The following DST variants were observed in gnomAD, a reference collection of about 807,000 sequenced individuals.
The protein encoded by DST is dystonin.
Under a neutral mutation model 875.2 loss-of-function variants are expected in DST, and 253 were observed. That is an observed-to-expected ratio of 0.29 (90% confidence interval 0.26 to 0.32). The LOEUF (loss-of-function observed/expected upper bound fraction) is 0.32. Among genes scored for constraint, DST ranks in the 10% least tolerant of loss-of-function variants. DST has a pLI of 1.00. For synonymous variants in DST, 3,124 were observed against 3,197.1 expected (o/e 0.98, Z 0.77); for missense variants, 8,287 against 9,111.6 (o/e 0.91, Z 3.68).
Position 56,773,843 on chromosome 6 carries a change from C to T in DST, c.626-38554G>A, listed in dbSNP as rs192570321. On this transcript the variant is annotated intron_variant, in intron 4 of 103. Coordinates refer to ENST00000680361, the MANE Select transcript of DST (RefSeq NM_001374736.1). ...TTCCTAGAATTTCTCTCAGGCTGGG[C>T]GCGGTGGCTCACGCCTGTAATCCCA... 2.2e-3 allele frequency among the ~76,000 whole-genome samples: 340 copies of T among 152,232 alleles called. 1 individual carries two copies. Among genetic ancestry groups the T allele is most frequent in the Middle Eastern group, 6.8e-3 (2 of 294 alleles).
rs201201114 is a variant in DST at position 56,592,197 on chromosome 6, T to C, written c.12888A>G (p.Gln4296=). ...CGCTTTTTACCTTGGTCTCTTCTAA[T>C]TGCCTTTGAAGATTTTTGGGGTCCA... ...IAVDPKNLQR[Q]LEETKALQGQ... Residue 4296 remains glutamine (Q), a synonymous_variant, in exon 49 of 104, where the codon CAA becomes CAG. Coordinates refer to ENST00000680361, the MANE Select transcript of DST (RefSeq NM_001374736.1). 239 of 1,613,512 alleles carry C rather than the reference T, an allele frequency of 1.5e-4. 1 individual carries two copies. The highest frequency in any genetic ancestry group is 3.3e-4 in the Middle Eastern group (2 of 6,062).
intron 53 of DST, among the ~76,000 whole-genome samples, chr6:56,571,128 G>A (rs1229021037): frequency 2.0e-5 from 3 of 152,298 alleles, no homozygotes; most frequent in South Asian, 2.1e-4. Context: ...CTGCACCACG[G>A]AGGCAGTGCA....
chr6:56,746,377 A>C (rs1296122377), intron 4 of DST, among the ~76,000 whole-genome samples: 1 of 152,186 alleles, frequency 6.6e-6, no homozygotes, highest in African/African-American at 2.4e-5. Context: ...GTAAGAAACA[A>C]ATACTTGCTT....
At chr6:56,634,378 G>A in intron 26 of DST, 84 bp downstream of exon 26, 1 of 1,605,978 alleles carries the variant, frequency 6.2e-7, no homozygotes, top group Non-Finnish European at 8.5e-7. Context: ...GATCCTGTGG[G>A]GCCTTGACAA....
chr6:56,908,836 C>T (rs1280131474), intron 2 of DST, among the ~76,000 whole-genome samples: 1 of 152,220 alleles, frequency 6.6e-6, no homozygotes, highest in African/African-American at 2.4e-5. Context: ...CGCCCACCGC[C>T]ATGACAGTTT....
chr6:56,894,536 C>A (rs1592177240), intron 3 of DST, among the ~76,000 whole-genome samples: 19 of 56,798 alleles, frequency 3.3e-4, no homozygotes, highest in Admixed American at 2.6e-3. Context: ...GGGGGCTGAC[C>A]CCCCCCACCT....
intron 37 of DST, 142 bp downstream of exon 37, chr6:56,614,214 A>G (rs892586495): frequency 8.8e-6 from 6 of 680,030 alleles, no homozygotes; most frequent in Non-Finnish European, 1.3e-5. Context: ...CAAGTTATTT[A>G]ATCTTTCTGA....
chr6:56,771,955 G>A (rs2099667247), intron 4 of DST, among the ~76,000 whole-genome samples: 1 of 152,142 alleles, frequency 6.6e-6, no homozygotes, highest in South Asian at 2.1e-4. Context: ...GACACAGGCA[G>A]AATGACTTAT....
In DST at chr6:56,835,354, C is replaced by T. The variant is rs538655405; in HGVS notation, c.625+16043G>A. 3.3e-5 allele frequency among the ~76,000 whole-genome samples: 5 copies of T among 152,256 alleles called. No individual in the cohort carries two copies. In the South Asian group the frequency reaches 6.2e-4, roughly 19 times the overall value. ...AAACTATTAATCTTGTAATCAACTA[C>T]GTAATTGATGAATCAATTTATCAAT... is the stretch of plus-strand genomic sequence containing the variant. On this transcript the variant is annotated intron_variant, in intron 4 of 103. Transcript: ENST00000680361.
At chr6:56,647,031 G>C (rs1037365265) in intron 13 of DST, among the ~76,000 whole-genome samples, 1 of 152,088 alleles carries the variant, frequency 6.6e-6, no homozygotes, top group African/African-American at 2.4e-5. Context: ...TCTATGTCTT[G>C]TTCTAGTCAT....
At chr6:56,670,395 T>C in intron 10 of DST, 1 of 279,178 alleles carries the variant, frequency 3.6e-6, no homozygotes, top group Non-Finnish European at 6.6e-6. Flanking sequence ...GAGAGGGTTT[T>C]ACCCTTTTGC....
chr6:56,549,785 C>T (rs1003530888), intron 61 of DST, among the ~76,000 whole-genome samples: 9 of 152,116 alleles, frequency 5.9e-5, no homozygotes, highest in East Asian at 1.9e-4. Flanking sequence ...GCTGGGTATT[C>T]GGGCTGTCTA....
chr6:56,546,357 T>TATATATATATATTTC (rs1554326170), intron 61 of DST, among the ~76,000 whole-genome samples: 62 of 78,838 alleles, frequency 7.9e-4, no homozygotes, highest in African/African-American at 3.5e-3. Flanking sequence ...CATATATATA[T>TATATATATATATTTC]ATATATATAT....
intron 4 of DST, among the ~76,000 whole-genome samples, chr6:56,759,604 C>T (rs1401745014): frequency 1.3e-5 from 2 of 152,120 alleles, no homozygotes; most frequent in Non-Finnish European, 2.9e-5. Context: ...TTTTTAATGA[C>T]TATCAGAGAC....
intron 4 of DST, among the ~76,000 whole-genome samples, chr6:56,830,209 T>C (rs912162132): frequency 6.6e-6 from 1 of 152,162 alleles, no homozygotes; most frequent in African/African-American, 2.4e-5. Flanking sequence ...CATCAGACTG[T>C]TTACCACACA....
chr6:56,889,977 T>C (rs1786552451), intron 3 of DST, among the ~76,000 whole-genome samples: 1 of 152,174 alleles, frequency 6.6e-6, no homozygotes, highest in Admixed American at 6.5e-5. Context: ...AACACAAAGA[T>C]TTCATCCATA....
At chr6:56,619,761 C>T (rs765306138) in intron 36 of DST, 1 of 1,614,180 alleles carries the variant, frequency 6.2e-7, no homozygotes, top group South Asian at 1.1e-5. Context: ...TCCTTCCTTT[C>T]CAGCTCCAAC....
intron 45 of DST, 117 bp from the exon 46 acceptor site, chr6:56,598,826 AATAAAC>A (rs2098416735): frequency 2.2e-6 from 1 of 462,484 alleles, no homozygotes; most frequent in Non-Finnish European, 3.6e-6. Flanking sequence ...ATGTAGCTTG[AATAAAC>A]ATATTGAGTA....
At chr6:56,938,960 A>G (rs1182179776) in intron 2 of DST, among the ~76,000 whole-genome samples, 1 of 152,272 alleles carries the variant, frequency 6.6e-6, no homozygotes. Flanking sequence ...CAACCCACGG[A>G]ATTGTGAGAT....
Sources: gnomAD v4.1 joint callset for allele counts (sites outside exome capture counted in the v4.1 genomes callset) on GRCh38, gnomAD v4.1.1 for gene constraint, MANE v1.5 for transcripts, NCBI Gene and HGNC (gene_info 2026-07-23, HGNC 2026-07-21) for gene names.